The following DAB1 variants were observed in gnomAD, a reference collection of about 807,000 sequenced individuals.
DAB1 encodes the protein disabled homolog 1.
Under a neutral mutation model 64.6 loss-of-function variants are expected in DAB1, and 15 were observed. That is an observed-to-expected ratio of 0.23 (90% CI 0.16 to 0.36). DAB1 has a LOEUF of 0.36. Ranked by LOEUF, DAB1 falls within the 10% of genes least tolerant of loss-of-function variation. The probability of loss-of-function intolerance (pLI) is 1.00; values close to 1 mark genes in which losing one functional copy is unlikely to be tolerated. For synonymous variants in DAB1, 235 were observed against 251.9 expected (o/e 0.93, Z 0.64); for missense variants, 596 against 706.7 (o/e 0.84, Z 1.78).
intron 4 of DAB1, among the ~76,000 whole-genome samples, chr1:58,201,877 G>A (rs948679745): frequency 5.3e-5 from 8 of 152,154 alleles, no homozygotes; most frequent in Non-Finnish European, 1.2e-4. Context: ...GGAGTGACTT[G>A]ATGTACAGGT....
chr1:57,457,042 G>A (rs1050952001), intron 7 of DAB1, among the ~76,000 whole-genome samples: 7 of 152,110 alleles, frequency 4.6e-5, no homozygotes, highest in Admixed American at 2.0e-4. Context: ...TGAATTCTGC[G>A]AGGCCCCATT....
chr1:57,357,795 T>C (rs922063063), intron 1 of DAB1, among the ~76,000 whole-genome samples: 1 of 151,850 alleles, frequency 6.6e-6, no homozygotes, highest in African/African-American at 2.4e-5. Flanking sequence ...AATCCCCTTA[T>C]AAAACCATCT....
chr1:57,117,647 G>C (rs1215034708), intron 4 of DAB1, among the ~76,000 whole-genome samples: 1 of 152,188 alleles, frequency 6.6e-6, no homozygotes, highest in Non-Finnish European at 1.5e-5. Flanking sequence ...TGAAGAAACT[G>C]AGTTCCAGGG....
intron 3 of DAB1, among the ~76,000 whole-genome samples, chr1:58,380,973 G>A (rs1208171555): frequency 1.3e-5 from 2 of 152,158 alleles, no homozygotes; most frequent in Non-Finnish European, 1.5e-5. Context: ...AAAAACGAAC[G>A]AGATCATGTC....
At chr1:58,253,131 C>T (rs1660843193) in intron 4 of DAB1, among the ~76,000 whole-genome samples, 1 of 152,112 alleles carries the variant, frequency 6.6e-6, no homozygotes, top group Non-Finnish European at 1.5e-5. Flanking sequence ...CCTCTCCTGT[C>T]ATTTATTGTG....
At chr1:57,368,363 C>T (rs11207020) in intron 1 of DAB1, among the ~76,000 whole-genome samples, 44,627 of 152,000 alleles carry the variant, frequency 0.29, 6,862 homozygotes, top group African/African-American at 0.33. Flanking sequence ...AGGATGGGGG[C>T]GGGGCTGCCA....
intron 7 of DAB1, among the ~76,000 whole-genome samples, chr1:57,493,816 G>A (rs1352408130): frequency 6.7e-6 from 1 of 148,948 alleles, no homozygotes; most frequent in Admixed American, 6.6e-5. Context: ...TTCCCACTGA[G>A]AATGTCCACC....
At chr1:58,473,851 T>G in intron 3 of DAB1, 1 of 625,376 alleles carries the variant, frequency 1.6e-6, no homozygotes, top group Non-Finnish European at 2.7e-6. Context: ...TGTGTCTTCC[T>G]AGCCTGCGTT....
chr1:57,783,106 C>CT (rs58761251), intron 6 of DAB1, among the ~76,000 whole-genome samples: 17,750 of 99,928 alleles, frequency 0.18, 2,060 homozygotes, highest in East Asian at 0.31. Flanking sequence ...TCTCTCTTTT[C>CT]TTTTTTTTTT....
intron 4 of DAB1, among the ~76,000 whole-genome samples, chr1:58,235,887 C>A (rs1268697257): frequency 6.6e-6 from 1 of 152,220 alleles, no homozygotes; most frequent in African/African-American, 2.4e-5. Context: ...AGAGAGAGGT[C>A]TTCTTTTTGG....
chr1:57,466,132 G>A (rs1686947098), intron 7 of DAB1, among the ~76,000 whole-genome samples: 1 of 152,156 alleles, frequency 6.6e-6, no homozygotes, highest in African/African-American at 2.4e-5. Context: ...ACTATCAAGA[G>A]AATTTGACTG....
At chr1:57,826,316 G>T (rs961866653) in exon 2 of DAB1, 1 of 152,218 alleles carries the variant, frequency 6.6e-6, no homozygotes, top group Non-Finnish European at 1.5e-5. Flanking sequence ...CAGGATATGA[G>T]TACATCCTTG....
intron 3 of DAB1, among the ~76,000 whole-genome samples, chr1:58,349,322 C>T (rs1265638541): frequency 6.6e-6 from 1 of 152,202 alleles, no homozygotes; most frequent in East Asian, 1.9e-4. Flanking sequence ...AGTCACTGAG[C>T]ATGAACCAGT....
chr1:58,466,672 T>G (rs1645299835), intron 3 of DAB1, among the ~76,000 whole-genome samples: 1 of 152,206 alleles, frequency 6.6e-6, no homozygotes, highest in East Asian at 1.9e-4. Context: ...AACACCCTCC[T>G]GTCTTCCCTC....
intron 4 of DAB1, among the ~76,000 whole-genome samples, chr1:58,321,551 C>A (rs1662683298): frequency 6.6e-6 from 1 of 152,252 alleles, no homozygotes; most frequent in South Asian, 2.1e-4. Flanking sequence ...TCGGGACACT[C>A]CTGCCCAAAT....
chr1:58,303,897 T>C (rs982985673), intron 4 of DAB1, among the ~76,000 whole-genome samples: 1 of 152,208 alleles, frequency 6.6e-6, no homozygotes, highest in African/African-American at 2.4e-5. Flanking sequence ...TTTTCATATA[T>C]TTGGTTTGTT....
chr1:57,027,803 G>T (rs779953311), intron 9 of DAB1, among the ~76,000 whole-genome samples: 4 of 152,300 alleles, frequency 2.6e-5, no homozygotes, highest in Non-Finnish European at 5.9e-5. Flanking sequence ...TCAGCTTTCA[G>T]ATTGAATAAC....
chr1:58,206,646 T>TTA (rs1658299662), intron 4 of DAB1, among the ~76,000 whole-genome samples: 1 of 152,188 alleles, frequency 6.6e-6, no homozygotes, highest in African/African-American at 2.4e-5. Flanking sequence ...ATCTTGCTGT[T>TTA]TTTAGAGTAG....
Position 58,214,246 on chromosome 1 carries a change from ACTT to A in DAB1, n.310-63661_310-63659del, listed in dbSNP as rs1163929542. Among the ~76,000 whole-genome samples, 3 of 152,246 alleles carry A rather than the reference ACTT, an allele frequency of 2.0e-5. No homozygotes were observed. In the South Asian group the frequency reaches 6.2e-4, roughly 32 times the overall value. On this transcript the variant is annotated intron_variant and non_coding_transcript_variant, in intron 4 of 20. Coordinates refer to the DAB1 transcript ENST00000485760. ...TTCTGTCTCCTCTTTCAGTTGGGTA[ACTT>A]CTTCATGAAGCCTCTGAACTAGACG...
Sources: gnomAD v4.1 joint callset for allele counts (sites outside exome capture counted in the v4.1 genomes callset) on GRCh38, gnomAD v4.1.1 for gene constraint, MANE v1.5 for transcripts, NCBI Gene and HGNC (gene_info 2026-07-23, HGNC 2026-07-21) for gene names.